SORCS2: variants seen among roughly 807,000 people sequenced by gnomAD.
SORCS2 encodes the protein sortilin related VPS10 domain containing receptor 2.
Under a neutral mutation model 141.6 loss-of-function variants are expected in SORCS2, and 100 were observed. The ratio of observed to expected loss-of-function variants is 0.71; its 90% confidence interval spans 0.60 to 0.83. The LOEUF is 0.83. Among genes scored for constraint, SORCS2 ranks in the 40% least tolerant of loss-of-function variants. The pLI, the probability that SORCS2 is intolerant of heterozygous loss-of-function variation, is 0.00. For missense variants in SORCS2, 1,646 were observed against 1,560.2 expected, an observed-to-expected ratio of 1.05 and a Z score of -0.93; for synonymous variants, 789 against 676.9, an observed-to-expected ratio of 1.17 and a Z score of -2.57.
chr4:7,401,900 CT>C (rs145250345), intron 2 of SORCS2, among the ~76,000 whole-genome samples: 2,027 of 152,280 alleles, frequency 0.013, 19 homozygotes, highest in Non-Finnish European at 0.017. Context: ...GTTATCTTCA[CT>C]TTAATTAAGA....
At chr4:7,576,853 C>T (rs1326562878) in intron 3 of SORCS2, among the ~76,000 whole-genome samples, 7 of 152,310 alleles carry the variant, frequency 4.6e-5, no homozygotes, top group African/African-American at 9.6e-5. Flanking sequence ...TGAACTCATG[C>T]GTGCCCCACC....
intron 1 of SORCS2, among the ~76,000 whole-genome samples, chr4:7,306,305 C>T (rs1471426993): frequency 8.8e-5 from 13 of 147,400 alleles, no homozygotes; most frequent in Non-Finnish European, 1.5e-4. Flanking sequence ...GTTGATGGTC[C>T]GAGGGTGGAG....
intron 1 of SORCS2, among the ~76,000 whole-genome samples, chr4:7,386,737 GCA>G: frequency 1.4e-5 from 1 of 70,174 alleles, no homozygotes; most frequent in East Asian, 4.6e-4. Flanking sequence ...ATACACATAT[GCA>G]CACACATACA....
At chr4:7,592,366 G>T (rs114658973) in intron 3 of SORCS2, among the ~76,000 whole-genome samples, 1,789 of 152,276 alleles carry the variant, frequency 0.012, 52 homozygotes, top group African/African-American at 0.041. Flanking sequence ...ATGAGCTTAG[G>T]CTCTGAGCGT....
At chr4:7,622,372 G>A (rs965413080) in intron 3 of SORCS2, among the ~76,000 whole-genome samples, 2 of 152,330 alleles carry the variant, frequency 1.3e-5, no homozygotes, top group South Asian at 2.1e-4. Flanking sequence ...GCAGGGTTGA[G>A]CTTGTTATAA....
At chr4:7,387,809 C>CACAT (rs1723530812) in intron 1 of SORCS2, among the ~76,000 whole-genome samples, 5 of 143,752 alleles carry the variant, frequency 3.5e-5, no homozygotes, top group African/African-American at 1.0e-4. Flanking sequence ...CACATGCACA[C>CACAT]ACAGATACAG....
intron 9 of SORCS2, among the ~76,000 whole-genome samples, 176 bp downstream of exon 9, chr4:7,676,405 A>T (rs1054467994): frequency 5.8e-4 from 88 of 152,234 alleles, no homozygotes; most frequent in African/African-American, 1.8e-3. Context: ...AGAGGCTATT[A>T]TGTAGGTATT....
chr4:7,655,910 C>T (rs927799950), intron 5 of SORCS2, among the ~76,000 whole-genome samples: 3 of 152,176 alleles, frequency 2.0e-5, no homozygotes, highest in East Asian at 1.9e-4. Context: ...GGGAAATTGG[C>T]GATAATTCAA....
At chr4:7,533,249 A>G (rs952498101) in intron 3 of SORCS2, among the ~76,000 whole-genome samples, 1 of 152,130 alleles carries the variant, frequency 6.6e-6, no homozygotes, top group Non-Finnish European at 1.5e-5. Flanking sequence ...TGAGGCCTGT[A>G]CCTGCTGGAA....
chr4:7,499,538 G>A (rs985890284), intron 2 of SORCS2, among the ~76,000 whole-genome samples: 1 of 152,064 alleles, frequency 6.6e-6, no homozygotes, highest in Non-Finnish European at 1.5e-5. Flanking sequence ...TTTGAGAGGA[G>A]GATCGCAGGT....
intron 1 of SORCS2, among the ~76,000 whole-genome samples, chr4:7,342,815 G>T (rs923698743): frequency 2.4e-4 from 37 of 152,248 alleles, no homozygotes; most frequent in African/African-American, 8.9e-4. Context: ...TTAACCCGCA[G>T]AGCTGTGAGC....
chr4:7,584,821 C>T (rs895503496), intron 3 of SORCS2, among the ~76,000 whole-genome samples: 1 of 152,204 alleles, frequency 6.6e-6, no homozygotes, highest in Non-Finnish European at 1.5e-5. Flanking sequence ...AATAAATGCT[C>T]CCATTACCCA....
At chr4:7,667,501 A>C (rs35457169) in intron 8 of SORCS2, among the ~76,000 whole-genome samples, 19,078 of 152,212 alleles carry the variant, frequency 0.13, 1,304 homozygotes, top group Middle Eastern at 0.15. Flanking sequence ...TTTGAGGAGA[A>C]ATATCACTTG....
intron 12 of SORCS2, among the ~76,000 whole-genome samples, chr4:7,700,278 C>T (rs903051915): frequency 6.6e-6 from 1 of 152,250 alleles, no homozygotes; most frequent in Admixed American, 6.5e-5. Flanking sequence ...CTGAGCCCCT[C>T]GTCCTGTGGC....
chr4:7,486,433 G>C (rs1219181671), intron 2 of SORCS2, among the ~76,000 whole-genome samples: 1 of 138,748 alleles, frequency 7.2e-6, no homozygotes, highest in East Asian at 2.0e-4. Context: ...CCCTGGACAG[G>C]GTCACTGGGC....
intron 1 of SORCS2, among the ~76,000 whole-genome samples, chr4:7,209,303 C>G (rs575568812): frequency 1.3e-5 from 2 of 152,316 alleles, no homozygotes; most frequent in East Asian, 3.9e-4. Context: ...TCACCTTGGG[C>G]CTTGCTTGTC....
intron 1 of SORCS2, among the ~76,000 whole-genome samples, chr4:7,388,456 T>C (rs1723626981): frequency 6.6e-6 from 1 of 152,170 alleles, no homozygotes; most frequent in Admixed American, 6.5e-5. Flanking sequence ...GAAAAATGTT[T>C]TTGAAATAGG....
chr4:7,507,003 G>T (rs1732312390), intron 2 of SORCS2, among the ~76,000 whole-genome samples: 1 of 152,188 alleles, frequency 6.6e-6, no homozygotes, highest in Admixed American at 6.5e-5. Context: ...TGAGCCAGCA[G>T]CTGTCACAGG....
chr4:7,729,964 C>G (rs1053689264), intron 23 of SORCS2, among the ~76,000 whole-genome samples: 1 of 152,110 alleles, frequency 6.6e-6, no homozygotes, highest in African/African-American at 2.4e-5. Context: ...CCAGGGGGCT[C>G]GCTCATTTCT....
Sources: gnomAD v4.1 joint callset for allele counts (sites outside exome capture counted in the v4.1 genomes callset) on GRCh38, gnomAD v4.1.1 for gene constraint, MANE v1.5 for transcripts, NCBI Gene and HGNC (gene_info 2026-07-23, HGNC 2026-07-21) for gene names.